DOCK11: variants seen among roughly 807,000 people sequenced by gnomAD.
DOCK11 encodes dedicator of cytokinesis protein 11.
In DOCK11, 70 loss-of-function variants were observed where a neutral mutation model predicts 169.1. The ratio of observed to expected loss-of-function variants is 0.41; its 90% CI spans 0.34 to 0.51. DOCK11 has a LOEUF of 0.51. DOCK11 is among the 20% of genes least tolerant of loss of function. The pLI, the probability that DOCK11 is intolerant of heterozygous loss-of-function variation, is 0.10. For synonymous variants in DOCK11, 529 were observed against 541.3 expected, an observed-to-expected ratio of 0.98 and a Z score of 0.32; for missense variants, 1,166 against 1,538.8, an observed-to-expected ratio of 0.76 and a Z score of 4.05.
chrX:118,567,965 G>A (rs1160592436), intron 9 of DOCK11, 114 bp from the exon 10 acceptor site: 6 of 347,050 alleles, frequency 1.7e-5, no homozygotes, highest in Non-Finnish European at 3.0e-5. Context: ...AGGATGAATG[G>A]TATATTTTTG....
chrX:118,648,177 T>TATATAA (rs2015834215), intron 40 of DOCK11, among the ~76,000 whole-genome samples: 2 of 67,073 alleles, frequency 3.0e-5, no homozygotes, highest in South Asian at 5.9e-4. Flanking sequence ...TATAATATAA[T>TATATAA]AGTAATATAT....
intron 12 of DOCK11, 91 bp from the exon 13 acceptor site, chrX:118,578,434 T>A: frequency 1.0e-6 from 1 of 1,002,599 alleles, no homozygotes; most frequent in Non-Finnish European, 1.4e-6. Context: ...CTTTGTTGAA[T>A]ATGAACATTG....
chrX:118,605,170 C>T, intron 23 of DOCK11, 68 bp from the exon 24 acceptor site: 1 of 718,431 alleles, frequency 1.4e-6, no homozygotes, highest in Non-Finnish European at 2.1e-6. Flanking sequence ...AATTTTTTTG[C>T]TGTTTCACAT....
rs113232036 is a variant in DOCK11, at chrX:118,532,221, G to A, written c.103-10504G>A. Among the ~76,000 whole-genome samples the A allele has an allele frequency of 2.7e-3, 297 of 111,357 alleles. 1 individual carries two copies. The highest frequency in any genetic ancestry group is 9.4e-3 in the African/African-American group (287 of 30,660). Reference sequence around the variant, plus strand: ...GGCTAAGCTATTGGAGCTTTCATACGGTGAGACCCTATAAAGTTATAGAAC... The same window carrying A: ...GGCTAAGCTATTGGAGCTTTCATACAGTGAGACCCTATAAAGTTATAGAAC... On this transcript the variant is annotated intron_variant, in intron 1 of 52. Transcript: ENST00000276202.
chrX:118,503,074 C>CTTT (rs767017269), intron 1 of DOCK11, among the ~76,000 whole-genome samples: 36,933 of 90,327 alleles, frequency 0.41, 6,445 homozygotes, highest in Middle Eastern at 0.54. Context: ...ATAACAAAGG[C>CTTT]TTTTTTTTTT....
intron 11 of DOCK11, among the ~76,000 whole-genome samples, chrX:118,573,487 G>A (rs915937829): frequency 7.1e-5 from 8 of 112,687 alleles, no homozygotes; most frequent in Non-Finnish European, 3.7e-5. Context: ...CAGTAAACGT[G>A]TAGCGAATAA....
intron 48 of DOCK11, among the ~76,000 whole-genome samples, chrX:118,677,150 C>T (rs1338168956): frequency 8.9e-6 from 1 of 112,190 alleles, no homozygotes; most frequent in Non-Finnish European, 1.9e-5. Context: ...TGCTATTGTA[C>T]ATCATGATTC....
chrX:118,504,794 C>T (rs2057599638), intron 1 of DOCK11, among the ~76,000 whole-genome samples: 1 of 111,696 alleles, frequency 9.0e-6, no homozygotes, highest in South Asian at 3.7e-4. Context: ...CAGGACCCCA[C>T]CCTGGACGCT....
At chrX:118,636,908 C>G (rs1270732469) in intron 36 of DOCK11, among the ~76,000 whole-genome samples, 1 of 111,787 alleles carries the variant, frequency 8.9e-6, no homozygotes, top group East Asian at 2.8e-4. Flanking sequence ...GAAACCTAGT[C>G]TGGACATGGG....
intron 23 of DOCK11, among the ~76,000 whole-genome samples, chrX:118,602,345 G>T (rs1249939205): frequency 9.0e-6 from 1 of 110,905 alleles, no homozygotes; most frequent in Non-Finnish European, 1.9e-5. Context: ...TTACAGAGAA[G>T]AATAATTTAG....
At chrX:118,518,859 G>T (rs898888263) in intron 1 of DOCK11, among the ~76,000 whole-genome samples, 1 of 111,737 alleles carries the variant, frequency 8.9e-6, no homozygotes, top group African/African-American at 3.3e-5. Context: ...GGGAGGCTGA[G>T]CCTGTGTTGG....
intron 14 of DOCK11, among the ~76,000 whole-genome samples, chrX:118,580,592 C>T (rs762682913): frequency 5.3e-5 from 6 of 112,210 alleles, no homozygotes; most frequent in Non-Finnish European, 7.5e-5. Flanking sequence ...GCTGGGATTA[C>T]AGGCGTGAGC....
intron 1 of DOCK11, among the ~76,000 whole-genome samples, chrX:118,496,286 C>T (rs1346250273): frequency 1.3e-5 from 1 of 77,695 alleles, no homozygotes; most frequent in Non-Finnish European, 2.4e-5. Flanking sequence ...CGGAGGCGTG[C>T]GCCGGGATGG....
intron 1 of DOCK11, among the ~76,000 whole-genome samples, chrX:118,507,232 A>G (rs1227814267): frequency 1.8e-5 from 2 of 112,395 alleles, no homozygotes; most frequent in Non-Finnish European, 3.8e-5. Flanking sequence ...TGCTTTCCCT[A>G]ATGACTGGAA....
At position 118,615,575 on chromosome X, in the gene DOCK11, T is replaced by C. The variant is rs376441654; in HGVS notation, c.3181-25T>C. On this transcript the variant is annotated intron_variant, in intron 29 of 52. Coordinates refer to ENST00000276202, the MANE Select transcript of DOCK11 (RefSeq NM_144658.4). ...TAGCAAATGCCTACTAAATATGAGCTAATGTATCATTTCTTTCCATTTAGG... is the reference window on the plus strand; with the variant it reads ...TAGCAAATGCCTACTAAATATGAGCCAATGTATCATTTCTTTCCATTTAGG... 3.3e-5 allele frequency: 37 copies of C among 1,104,552 alleles called. No individual in the cohort carries two copies. The African/African-American group carries it at 5.2e-4, about 16-fold the overall frequency. The allele number at this position is 1,104,552 out of a possible 1,213,427, so 91.0% of individuals were successfully genotyped here. A position where few individuals can be genotyped will look rare whatever the true frequency, so the allele number is the denominator to read the frequency against.
intron 44 of DOCK11, 27 bp downstream of exon 44, chrX:118,654,988 G>A: frequency 1.7e-6 from 2 of 1,164,993 alleles, no homozygotes; most frequent in East Asian, 6.0e-5. Flanking sequence ...TTTAGAGATG[G>A]GGGGATTTTC....
intron 1 of DOCK11, among the ~76,000 whole-genome samples, chrX:118,500,013 C>T (rs2057563562): frequency 9.1e-6 from 1 of 109,715 alleles, no homozygotes; most frequent in Admixed American, 9.7e-5. Context: ...TTTTTCTATT[C>T]TAATCACCAG....
chrX:118,505,022 ATTTGT>A (rs2057601532), intron 1 of DOCK11, among the ~76,000 whole-genome samples: 1 of 111,871 alleles, frequency 8.9e-6, no homozygotes, highest in African/African-American at 3.2e-5. Flanking sequence ...TAAATGAGTT[ATTTGT>A]TTTGTTTTGT....
intron 44 of DOCK11, 116 bp from the exon 45 acceptor site, chrX:118,662,570 T>G (rs893126113): frequency 1.2e-5 from 5 of 421,793 alleles, no homozygotes; most frequent in Admixed American, 4.5e-5. Context: ...TACTTAAGAC[T>G]TTGATTCTTA....
Sources: allele counts gnomAD v4.1 joint callset (sites outside exome capture counted in the v4.1 genomes callset), GRCh38; gene constraint gnomAD v4.1.1; transcripts MANE v1.5; gene names NCBI Gene and HGNC (gene_info 2026-07-23, HGNC 2026-07-21).